Variants in KCNQ5 observed in about 807,000 individuals in gnomAD.
KCNQ5 encodes the protein potassium voltage-gated channel subfamily Q member 5, also known as potassium voltage-gated channel subfamily KQT member 5.
Under a neutral mutation model 98.2 loss-of-function variants are expected in KCNQ5, and 30 were observed. The ratio of observed to expected loss-of-function variants is 0.31; its 90% confidence interval spans 0.23 to 0.41. KCNQ5 has a LOEUF of 0.41. Among genes scored for constraint, KCNQ5 ranks in the 10% least tolerant of loss-of-function variants. KCNQ5 has a pLI of 1.00. For synonymous variants in KCNQ5, 458 were observed against 449.4 expected (o/e 1.02, Z -0.24); for missense variants, 835 against 1,182.5 (o/e 0.71, Z 4.31).
intron 5 of KCNQ5, 71 bp from the exon 6 acceptor site, chr6:73,105,186 G>C: frequency 1.4e-6 from 1 of 731,616 alleles, no homozygotes; most frequent in Non-Finnish European, 2.3e-6. Context: ...AACGTTGCTT[G>C]CCTCCTGTTC....
chr6:73,051,454 G>A (rs1328149482), intron 3 of KCNQ5, among the ~76,000 whole-genome samples: 1 of 152,162 alleles, frequency 6.6e-6, no homozygotes, highest in Non-Finnish European at 1.5e-5. Context: ...TGGTTTGGCT[G>A]GCACCACCCA....
intron 1 of KCNQ5, among the ~76,000 whole-genome samples, chr6:72,949,734 CTCTT>C (rs1766712469): frequency 6.6e-6 from 1 of 152,160 alleles, no homozygotes; most frequent in Non-Finnish European, 1.5e-5. Context: ...TAATAAATCA[CTCTT>C]TCCATTCTTT....
At chr6:73,043,385 AT>A (rs1771809199) in intron 3 of KCNQ5, 1 of 160,450 alleles carries the variant, frequency 6.2e-6, no homozygotes, top group Non-Finnish European at 1.4e-5. Flanking sequence ...TTCTCCAATA[AT>A]AGGCTTTACT....
At chr6:72,753,349 A>G (rs1771781811) in intron 1 of KCNQ5, among the ~76,000 whole-genome samples, 1 of 151,914 alleles carries the variant, frequency 6.6e-6, no homozygotes, top group African/African-American at 2.4e-5. Context: ...TAATTTGTTT[A>G]TTCTTTCATT....
chr6:72,922,727 A>G (rs1245673470), intron 1 of KCNQ5, among the ~76,000 whole-genome samples: 4 of 151,906 alleles, frequency 2.6e-5, no homozygotes, highest in Non-Finnish European at 4.4e-5. Flanking sequence ...GTTTTGGCAA[A>G]TGACTAGATT....
intron 1 of KCNQ5, among the ~76,000 whole-genome samples, chr6:72,834,594 A>C (rs1477262239): frequency 6.6e-6 from 1 of 152,212 alleles, no homozygotes; most frequent in Non-Finnish European, 1.5e-5. Context: ...CCCTTGGATA[A>C]GAAGACTGAA....
intron 1 of KCNQ5, among the ~76,000 whole-genome samples, chr6:72,658,525 C>T (rs1401512038): frequency 6.9e-6 from 1 of 144,472 alleles, no homozygotes; most frequent in Non-Finnish European, 1.5e-5. Context: ...AAGTGATCCA[C>T]CTGCCTCAGC....
At chr6:72,626,374 T>C (rs1241506805) in intron 1 of KCNQ5, among the ~76,000 whole-genome samples, 1 of 152,134 alleles carries the variant, frequency 6.6e-6, no homozygotes, top group African/African-American at 2.4e-5. Flanking sequence ...TGAGTAAAGA[T>C]ATGGAGTTGT....
chr6:72,962,185 A>G (rs1167808330), intron 1 of KCNQ5, among the ~76,000 whole-genome samples: 2 of 114,488 alleles, frequency 1.7e-5, no homozygotes, highest in Non-Finnish European at 3.7e-5. Flanking sequence ...TTCTCTAAAT[A>G]TATATATATA....
At chr6:72,934,260 T>G (rs542573582) in intron 1 of KCNQ5, among the ~76,000 whole-genome samples, 1 of 152,150 alleles carries the variant, frequency 6.6e-6, no homozygotes. Flanking sequence ...CTAAATTAAT[T>G]ATGGCAACCT....
chr6:72,922,500 G>C (rs978576917), intron 1 of KCNQ5, among the ~76,000 whole-genome samples: 3 of 152,072 alleles, frequency 2.0e-5, no homozygotes, highest in African/African-American at 7.2e-5. Context: ...ACCCACAATA[G>C]ATCTCCTGAG....
chr6:72,777,459 T>C (rs1188098809), intron 1 of KCNQ5, among the ~76,000 whole-genome samples: 2 of 152,146 alleles, frequency 1.3e-5, no homozygotes, highest in Admixed American at 6.5e-5. Context: ...AGTCTTGAGC[T>C]AGACTCCTAG....
chr6:72,724,763 C>G (rs1212244055), intron 1 of KCNQ5, among the ~76,000 whole-genome samples: 2 of 152,204 alleles, frequency 1.3e-5, no homozygotes, highest in African/African-American at 4.8e-5. Context: ...ACTTTATAGA[C>G]TTGACGACCT....
At chr6:72,630,347 C>A (rs1457746102) in intron 1 of KCNQ5, 1 of 152,092 alleles carries the variant, frequency 6.6e-6, no homozygotes, top group Non-Finnish European at 1.5e-5. Flanking sequence ...TGAGGTAATT[C>A]TAGAATCCCT....
chr6:73,171,291 G>A (rs1384896074), intron 11 of KCNQ5, among the ~76,000 whole-genome samples: 1 of 152,068 alleles, frequency 6.6e-6, no homozygotes, highest in Admixed American at 6.6e-5. Context: ...CTTCCTATCT[G>A]GCCTGGACAG....
chr6:72,826,961 G>A (rs1776026467), intron 1 of KCNQ5, among the ~76,000 whole-genome samples: 1 of 152,040 alleles, frequency 6.6e-6, no homozygotes, highest in Admixed American at 6.6e-5. Context: ...CTGCACATGG[G>A]TGAGAACATG....
chr6:72,672,280 T>C (rs758271645), intron 1 of KCNQ5, among the ~76,000 whole-genome samples: 21 of 152,070 alleles, frequency 1.4e-4, no homozygotes, highest in Admixed American at 9.2e-4. Flanking sequence ...GTAATTTTTG[T>C]AGAGACGGAG....
intron 1 of KCNQ5, among the ~76,000 whole-genome samples, chr6:72,792,957 T>C (rs1774137202): frequency 6.6e-6 from 1 of 152,212 alleles, no homozygotes; most frequent in Admixed American, 6.5e-5. Context: ...AAAGTCTCCA[T>C]GGGAATAGAA....
intron 1 of KCNQ5, among the ~76,000 whole-genome samples, chr6:72,716,265 G>A (rs1769642123): frequency 6.6e-6 from 1 of 152,176 alleles, no homozygotes; most frequent in African/African-American, 2.4e-5. Context: ...CTGTTCATGA[G>A]AATAAATGCA....
Sources: allele counts gnomAD v4.1 joint callset (sites outside exome capture counted in the v4.1 genomes callset), GRCh38; gene constraint gnomAD v4.1.1; transcripts MANE v1.5; gene names NCBI Gene and HGNC (gene_info 2026-07-23, HGNC 2026-07-21).